PCCA: variants seen among roughly 807,000 people sequenced by gnomAD.
PCCA encodes the protein propionyl-CoA carboxylase alpha chain, mitochondrial.
In PCCA, 74 loss-of-function variants were observed where a neutral mutation model predicts 101.3. The observed-to-expected ratio is 0.73, with a 90% CI of 0.61 to 0.89. The LOEUF (loss-of-function observed/expected upper bound fraction) is 0.89. Ranked by LOEUF, PCCA falls within the 40% of genes least tolerant of loss-of-function variation. The pLI is 0.00. For missense variants in PCCA, 891 were observed against 907.0 expected, an observed-to-expected ratio of 0.98 and a Z score of 0.23; for synonymous variants, 294 against 313.6, an observed-to-expected ratio of 0.94 and a Z score of 0.66.
intron 20 of PCCA, among the ~76,000 whole-genome samples, chr13:100,448,835 G>A (rs2081023411): frequency 6.6e-6 from 1 of 152,164 alleles, no homozygotes; most frequent in African/African-American, 2.4e-5. Flanking sequence ...TAAAGTTACA[G>A]TTTAGTGGTT....
At chr13:100,511,533 T>C (rs1438520542) in intron 21 of PCCA, among the ~76,000 whole-genome samples, 1 of 152,220 alleles carries the variant, frequency 6.6e-6, no homozygotes, top group Non-Finnish European at 1.5e-5. Context: ...CAGTCAAAGA[T>C]AGCACCTGCC....
intron 7 of PCCA, among the ~76,000 whole-genome samples, chr13:100,225,394 G>A (rs945517779): frequency 1.3e-5 from 2 of 152,198 alleles, no homozygotes; most frequent in African/African-American, 4.8e-5. Flanking sequence ...AGTAATACCC[G>A]TTTACACCAC....
chr13:100,529,976 G>A, intron 23 of PCCA, 122 bp from the exon 24 acceptor site: 1 of 788,074 alleles, frequency 1.3e-6, no homozygotes, highest in Admixed American at 2.0e-5. Flanking sequence ...GGGGTGGCTT[G>A]TCCCTGTGCT....
rs1249776169 is a variant in PCCA, at chr13:100,273,311, A to G, written c.1030A>G (p.Asn344Asp). ...GGAGTTCCTTGTGGACTCTAAGAAGAATTTTTATTTCTTGGAAATGAATAC... is the reference window on the plus strand; with the variant it reads ...GGAGTTCCTTGTGGACTCTAAGAAGGATTTTTATTTCTTGGAAATGAATAC... ...TVEFLVDSKK[N>D]FYFLEMNTRL... Residue 344 changes from asparagine to aspartate, a missense_variant, in exon 12 of 24, where the codon AAT (asparagine) becomes GAT (aspartate). Transcript: ENST00000376285. 2 of 1,613,020 alleles carry G rather than the reference A, an allele frequency of 1.2e-6. No individual in the cohort carries two copies. Among genetic ancestry groups the G allele is most frequent in the Non-Finnish European group, 1.7e-6 (2 of 1,179,026 alleles).
At chr13:100,153,236 G>A (rs1188097293) in intron 4 of PCCA, among the ~76,000 whole-genome samples, 3 of 152,118 alleles carry the variant, frequency 2.0e-5, no homozygotes, top group Admixed American at 6.6e-5. Context: ...AAGAATTTAA[G>A]GCGTAACCTT....
intron 18 of PCCA, among the ~76,000 whole-genome samples, chr13:100,348,222 C>T (rs1382980875): frequency 4.6e-5 from 7 of 152,188 alleles, no homozygotes; most frequent in African/African-American, 2.4e-5. Flanking sequence ...GTTTTGGCTG[C>T]TGATCTTATT....
At chr13:100,280,327 T>G (rs1468323942) in intron 12 of PCCA, among the ~76,000 whole-genome samples, 1 of 152,136 alleles carries the variant, frequency 6.6e-6, no homozygotes, top group East Asian at 1.9e-4. Flanking sequence ...AGCCCTGATT[T>G]TTCCCCCAGA....
chr13:100,158,649 A>ATG (rs1391938344), intron 6 of PCCA, among the ~76,000 whole-genome samples: 9 of 152,130 alleles, frequency 5.9e-5, no homozygotes, highest in Admixed American at 5.2e-4. Context: ...TTAGATGTGT[A>ATG]TGTGTGTATA....
intron 22 of PCCA, among the ~76,000 whole-genome samples, chr13:100,519,681 T>C (rs1395600987): frequency 1.3e-5 from 2 of 152,362 alleles, no homozygotes; most frequent in East Asian, 3.9e-4. Context: ...CTAAGCCTCA[T>C]GTAACTGAGC....
intron 4 of PCCA, chr13:100,150,352 A>G (rs1415421744): frequency 4.8e-6 from 1 of 208,624 alleles, no homozygotes; most frequent in African/African-American, 2.3e-5. Context: ...TTTTTAACCT[A>G]TTTATATCCA....
At chr13:100,420,709 T>C (rs1408411094) in intron 19 of PCCA, among the ~76,000 whole-genome samples, 3 of 152,204 alleles carry the variant, frequency 2.0e-5, no homozygotes, top group African/African-American at 7.2e-5. Context: ...AGAGAGATTA[T>C]CTGAAACACA....
At chr13:100,161,811 G>C (rs9300593) in intron 6 of PCCA, among the ~76,000 whole-genome samples, 70 of 152,130 alleles carry the variant, frequency 4.6e-4, no homozygotes, top group African/African-American at 1.6e-3. Context: ...GAAGGGTTGA[G>C]AATTGTTACT....
chr13:100,479,854 T>C (rs998468666), intron 21 of PCCA: 1 of 125,860 alleles, frequency 7.9e-6, no homozygotes, highest in African/African-American at 3.9e-5. Context: ...TTTAACTGTG[T>C]CAGTGGAGCT....
rs749181827 is a variant in PCCA at position 100,102,983 on chromosome 13, C to T, written c.183+23C>T. The T allele has an allele frequency of 2.8e-6, 4 of 1,424,808 alleles. No homozygotes were observed. The South Asian group carries it at 3.4e-5, about 12-fold the overall frequency. The allele number at this position is 1,424,808 out of a possible 1,614,324, so 88.3% of individuals were successfully genotyped here. A position where few individuals can be genotyped will look rare whatever the true frequency, so the allele number is the denominator to read the frequency against. On this transcript the variant is annotated intron_variant, in intron 2 of 23. Transcript: ENST00000376285. Reference sequence around the variant, plus strand: ...AAAGTAAGTATTTAAAAGATATTCTCAACAACTAAATTAAACTTATCATGG... The same window carrying T: ...AAAGTAAGTATTTAAAAGATATTCTTAACAACTAAATTAAACTTATCATGG...
intron 19 of PCCA, among the ~76,000 whole-genome samples, chr13:100,389,736 G>A (rs983368662): frequency 6.6e-6 from 1 of 152,178 alleles, no homozygotes; most frequent in Non-Finnish European, 1.5e-5. Context: ...AGCACAGAAA[G>A]CTTGAAGTGT....
chr13:100,105,484 T>A (rs2047667663), intron 2 of PCCA, among the ~76,000 whole-genome samples: 1 of 151,940 alleles, frequency 6.6e-6, no homozygotes, highest in Non-Finnish European at 1.5e-5. Context: ...GGTTCAGCCA[T>A]CTTTCTCCTT....
chr13:100,463,911 C>T (rs539263393), intron 21 of PCCA, among the ~76,000 whole-genome samples: 47 of 152,200 alleles, frequency 3.1e-4, no homozygotes, highest in Non-Finnish European at 5.7e-4. Context: ...CCTAGGGTAT[C>T]ACTAAGTTAT....
intron 4 of PCCA, among the ~76,000 whole-genome samples, chr13:100,116,682 C>A (rs2048829331): frequency 6.6e-6 from 1 of 152,032 alleles, no homozygotes; most frequent in Admixed American, 6.6e-5. Context: ...TTTTTGTGAA[C>A]ATAATTTTGA....
At chr13:100,248,549 A>C (rs2061580243) in intron 8 of PCCA, among the ~76,000 whole-genome samples, 1 of 152,160 alleles carries the variant, frequency 6.6e-6, no homozygotes, top group South Asian at 2.1e-4. Context: ...CATGACATAT[A>C]ATATTGAGCA....
Sources: allele counts gnomAD v4.1 joint callset (sites outside exome capture counted in the v4.1 genomes callset), GRCh38; gene constraint gnomAD v4.1.1; transcripts MANE v1.5; gene names NCBI Gene and HGNC (gene_info 2026-07-23, HGNC 2026-07-21).